ACAT1: variants seen among roughly 807,000 people sequenced by gnomAD.
The protein encoded by ACAT1 is acetyl-CoA acetyltransferase 1.
Under a neutral mutation model 47.3 loss-of-function variants are expected in ACAT1, and 28 were observed. That is an observed-to-expected ratio of 0.59 (90% CI 0.44 to 0.81). The LOEUF is 0.81. Ranked by LOEUF, ACAT1 falls within the 30% of genes least tolerant of loss-of-function variation. The pLI, the probability that ACAT1 is intolerant of heterozygous loss-of-function variation, is 0.00. For synonymous variants in ACAT1, 181 were observed against 173.6 expected, an observed-to-expected ratio of 1.04 and a Z score of -0.34; for missense variants, 469 against 524.3, an observed-to-expected ratio of 0.89 and a Z score of 1.03.
upstream of ACAT1, among the ~76,000 whole-genome samples, chr11:108,120,633 T>TG (rs1416303189): frequency 6.6e-6 from 1 of 152,056 alleles, no homozygotes; most frequent in Non-Finnish European, 1.5e-5. Context: ...GACAGCATGG[T>TG]GGGTATGGCT....
Position 108,131,934 on chromosome 11 carries a change from G to A in ACAT1, c.100G>A (p.Val34Ile), listed in dbSNP as rs750824793. 3.3e-6 allele frequency: 5 copies of A among 1,498,568 alleles called. No individual in the cohort carries two copies. The highest frequency in any genetic ancestry group is 4.6e-6 in the Non-Finnish European group (5 of 1,081,794). 92.8% of individuals were successfully genotyped at this position (1,498,568 alleles called of 1,614,324 possible). ...QEIRYVERSYVSKPTLKEVVI... is the reference protein window; with the variant it reads ...QEIRYVERSYISKPTLKEVVI... The stretch of plus-strand genomic sequence containing the variant: ...AATAAGATATGTGGAACGGAGTTAT[G>A]TATCAAAACCCACTTTGAAGGTAAG... Residue 34 changes from valine to isoleucine, a missense_variant, in exon 2 of 12, where the codon GTA becomes ATA. Transcript: ENST00000265838.
rs1394784650 is a variant in ACAT1, at chr11:108,131,946, A to C, written c.112A>C (p.Thr38Pro). Reference protein sequence around the residue: ...YVERSYVSKPTLKEVVIVSAT... With the variant: ...YVERSYVSKPPLKEVVIVSAT... ...GGAACGGAGTTATGTATCAAAACCC[A>C]CTTTGAAGGTAAGTAATTTAAATTG... is the stretch of plus-strand genomic sequence containing the variant. The change falls in exon 2 of 12, where the codon ACT (threonine) becomes CCT (proline). Residue 38 changes from threonine to proline, a missense_variant. Thr to Pro is a conservative substitution (Grantham distance 38, BLOSUM62 -1). Coordinates refer to ENST00000265838, the MANE Select transcript of ACAT1 (RefSeq NM_000019.4). 6.6e-7 allele frequency: 1 copy of C among 1,507,260 alleles called. No homozygotes were observed. The highest frequency in any genetic ancestry group is 2.3e-5 in the East Asian group (1 of 43,746). 93.4% of individuals were successfully genotyped at this position (1,507,260 alleles called of 1,614,324 possible).
intron 2 of ACAT1, among the ~76,000 whole-genome samples, chr11:108,132,242 T>C (rs1187740303): frequency 6.6e-6 from 1 of 152,008 alleles, no homozygotes; most frequent in Non-Finnish European, 1.5e-5. Flanking sequence ...CATTGTATTG[T>C]GTGTGGTACA....
At chr11:108,139,189 C>A in intron 6 of ACAT1, 148 bp downstream of exon 6, 1 of 1,012,930 alleles carries the variant, frequency 9.9e-7, no homozygotes, top group Non-Finnish European at 1.5e-6. Context: ...TTTTTGTATG[C>A]CTATTGCATC....
intron 1 of ACAT1, among the ~76,000 whole-genome samples, chr11:108,126,811 T>TG (rs1248741127): frequency 2.9e-4 from 1 of 3,500 alleles, no homozygotes. Flanking sequence ...TTTTTTTTTT[T>TG]GAGATGGAGT....
upstream of ACAT1, among the ~76,000 whole-genome samples, chr11:108,117,361 A>AAG (rs1329660446): frequency 6.7e-6 from 1 of 149,892 alleles, no homozygotes; most frequent in Non-Finnish European, 1.5e-5. Context: ...AGGCTGGAGT[A>AAG]CAGTGGCACG....
At chr11:108,130,939 G>T (rs2077344997) in intron 1 of ACAT1, among the ~76,000 whole-genome samples, 1 of 151,984 alleles carries the variant, frequency 6.6e-6, no homozygotes, top group Non-Finnish European at 1.5e-5. Flanking sequence ...TAGTAGAGAC[G>T]GGGTTTTTTC....
intron 1 of ACAT1, among the ~76,000 whole-genome samples, chr11:108,127,214 G>C (rs1355938897): frequency 1.3e-5 from 2 of 151,478 alleles, no homozygotes; most frequent in Non-Finnish European, 2.9e-5. Flanking sequence ...GTGGTCAGTT[G>C]AAAGGTCAGG....
intron 9 of ACAT1, 116 bp downstream of exon 9, chr11:108,142,666 G>A (rs994497302): frequency 1.9e-5 from 15 of 808,916 alleles, no homozygotes; most frequent in East Asian, 5.4e-5. Context: ...GTGAGACTTC[G>A]TCTCTACAAA....
intron 5 of ACAT1, among the ~76,000 whole-genome samples, chr11:108,138,557 C>G (rs1320916239): frequency 6.6e-6 from 1 of 151,976 alleles, no homozygotes; most frequent in Admixed American, 6.6e-5. Context: ...CCACCACACC[C>G]AGCTAATTTT....
Position 108,121,637 on chromosome 11 carries a change from G to A in ACAT1, c.31G>A (p.Gly11Ser), listed in dbSNP as rs928949283. The A allele has an allele frequency of 1.3e-6, 2 of 1,550,632 alleles. No homozygotes were observed. Among genetic ancestry groups the A allele is most frequent in the South Asian group, 1.2e-5 (1 of 84,118 alleles). The change falls in exon 1 of 12, where the codon GGC (glycine) becomes AGC (serine). Residue 11 changes from glycine (G) to serine (S), a missense_variant. Transcript: ENST00000265838. The part of the protein sequence containing the change: MAVLAALLRS[G>S]ARSRSPLLRR... ...TGTGCTGGCGGCACTTCTGCGCAGC[G>A]GCGCCCGCAGCCGCAGCCCCCTGCT...
intron 1 of ACAT1, among the ~76,000 whole-genome samples, chr11:108,129,622 C>A (rs898567108): frequency 6.6e-6 from 1 of 152,174 alleles, no homozygotes; most frequent in Non-Finnish European, 1.5e-5. Context: ...CCGCCTCAGC[C>A]TCCTAAAGTG....
Position 108,141,668 on chromosome 11 carries a change from C to T in ACAT1, c.794C>T (p.Pro265Leu). Reference protein sequence around the residue: ...EYKRVDFSKVPKLKTVFQKEN... With the variant: ...EYKRVDFSKVLKLKTVFQKEN... ...AAACGTGTTGATTTTAGCAAAGTTC[C>T]AAAGCTGAAGACAGTTTTCCAGAAA... Residue 265 changes from proline (P) to leucine (L), a missense_variant, in exon 8 of 12, where the codon CCA (proline) becomes CTA (leucine). Coordinates refer to ENST00000265838, the MANE Select transcript of ACAT1 (RefSeq NM_000019.4). 1 of 1,613,334 alleles carries T rather than the reference C, an allele frequency of 6.2e-7. No individual in the cohort carries two copies. Among genetic ancestry groups the T allele is most frequent in the South Asian group, 1.1e-5 (1 of 91,066 alleles).
chr11:108,135,529 TGA>T (rs1491463094), intron 5 of ACAT1, among the ~76,000 whole-genome samples: 1 of 149,630 alleles, frequency 6.7e-6, no homozygotes, highest in Non-Finnish European at 1.5e-5. Flanking sequence ...CTCTGCTCTT[TGA>T]AAAAAAAAAA....
At position 108,139,617 on chromosome 11, in the gene ACAT1, A is replaced by G. The variant is rs1314372199; in HGVS notation, c.580-448A>G. Among the ~76,000 whole-genome samples the G allele has an allele frequency of 2.0e-5, 3 of 151,974 alleles. No individual in the cohort carries two copies. The East Asian group carries it at 5.8e-4, about 29-fold the overall frequency. On this transcript the variant is annotated intron_variant, in intron 6 of 11. Transcript: ENST00000265838. ...CAAAAAAAGACATGAGTGAAAAGTG[A>G]CCTGGTATAGAAAGAAATATATATG...
rs532190594 is a variant in ACAT1 at position 108,140,107 on chromosome 11, C to A, written c.622C>A (p.Arg208=). 4.3e-6 allele frequency: 7 copies of A among 1,613,936 alleles called. No homozygotes were observed. In the East Asian group the frequency reaches 1.3e-4, roughly 31 times the overall value. ...ENTAKKLNIA[R]NEQDAYAINS... is the part of the protein sequence containing the mutation. ...TACAGCAAAGAAGCTGAATATTGCA[C>A]GAAATGAACAGGACGCTTATGCTAT... The change falls in exon 7 of 12, where the codon CGA becomes AGA. Residue 208 remains arginine (R), a synonymous_variant. Transcript: ENST00000265838.
At chr11:108,124,501 C>G (rs986434947) in intron 1 of ACAT1, among the ~76,000 whole-genome samples, 2 of 152,074 alleles carry the variant, frequency 1.3e-5, no homozygotes, top group African/African-American at 4.8e-5. Flanking sequence ...GACCAGCTCA[C>G]CAGGTGATCC....
intron 2 of ACAT1, among the ~76,000 whole-genome samples, chr11:108,132,994 G>A (rs2077394050): frequency 6.6e-6 from 1 of 151,772 alleles, no homozygotes. Flanking sequence ...AGACCAGCCT[G>A]GCCAACATGG....
At chr11:108,118,962 G>A (rs867424625), upstream of ACAT1, among the ~76,000 whole-genome samples, 70 of 152,124 alleles carry the variant, frequency 4.6e-4, no homozygotes, top group African/African-American at 1.6e-3. Context: ...CCTAGGGCAG[G>A]TGTCTCCTAA....
Sources: gnomAD v4.1 joint callset for allele counts (sites outside exome capture counted in the v4.1 genomes callset) on GRCh38, gnomAD v4.1.1 for gene constraint, MANE v1.5 for transcripts, NCBI Gene and HGNC (gene_info 2026-07-23, HGNC 2026-07-21) for gene names.